The following CFAP58 variants were observed in gnomAD, a reference collection of about 807,000 sequenced individuals.
CFAP58 encodes the protein cilia- and flagella-associated protein 58.
A neutral mutation model predicts 119.5 loss-of-function variants in CFAP58; 88 were observed. The observed-to-expected ratio is 0.74, with a 90% CI of 0.62 to 0.88. The LOEUF (loss-of-function observed/expected upper bound fraction) is 0.88. Among genes scored for constraint, CFAP58 ranks in the 40% least tolerant of loss-of-function variants. CFAP58 has a pLI of 0.00. For missense variants in CFAP58, 990 were observed against 1,021.2 expected (o/e 0.97, Z 0.42); for synonymous variants, 365 against 366.3 (o/e 1.00, Z 0.04).
At chr10:104,354,309 C>T (rs904231121) in intron 1 of CFAP58, among the ~76,000 whole-genome samples, 1 of 152,122 alleles carries the variant, frequency 6.6e-6, no homozygotes, top group African/African-American at 2.4e-5. Context: ...CTGCTGTCAT[C>T]CCAATCAATG....
chr10:104,371,812 G>A (rs773109619), intron 7 of CFAP58, among the ~76,000 whole-genome samples: 3 of 152,188 alleles, frequency 2.0e-5, no homozygotes, highest in Non-Finnish European at 2.9e-5. Context: ...CAAATTTGGT[G>A]CAGCAGAAAC....
the CFAP58 span, among the ~76,000 whole-genome samples, chr10:104,341,645 T>C: frequency 4.6e-5 from 7 of 151,496 alleles, no homozygotes; most frequent in Non-Finnish European, 1.0e-4. Flanking sequence ...AGAAAAGTAA[T>C]ATATTATTGT....
At chr10:104,346,633 C>CTTTTTTTTTTTTTTTTTTTTTTTTTT in the CFAP58 span, among the ~76,000 whole-genome samples, 4 of 101,112 alleles carry the variant, frequency 4.0e-5, 1 homozygote, top group African/African-American at 1.3e-4. Context: ...GCCATTTAGT[C>CTTTTTTTTTTTTTTTTTTTTTTTTTT]TTTTTTTTTT....
chr10:104,454,593 G>A lies in CFAP58; in HGVS notation c.*63G>A, dbSNP rs933443154. On this transcript the variant is annotated 3_prime_UTR_variant, in exon 18 of 18. Transcript: ENST00000369704. The stretch of plus-strand genomic sequence containing the variant: ...GAAATCTGCTCTGGGACATTTTGGG[G>A]GAATCTCAAAGTCCTTGGATCATAG... 4.8e-6 allele frequency: 6 copies of A among 1,250,158 alleles called. No individual in the cohort carries two copies. The South Asian group carries it at 7.2e-5, about 15-fold the overall frequency. 77.4% of individuals were successfully genotyped at this position (1,250,158 alleles called of 1,614,324 possible). A position where few individuals can be genotyped will look rare whatever the true frequency, so the allele number is the denominator to read the frequency against.
chr10:104,376,522 GA>G (rs1230302021), intron 7 of CFAP58, among the ~76,000 whole-genome samples: 2,952 of 139,852 alleles, frequency 0.021, 105 homozygotes, highest in African/African-American at 0.073. Context: ...AAAAAAAAAA[GA>G]AAAAAAAGCA....
chr10:104,386,994 C>T (rs1347281154), intron 9 of CFAP58, among the ~76,000 whole-genome samples: 4 of 152,184 alleles, frequency 2.6e-5, no homozygotes, highest in East Asian at 1.9e-4. Context: ...TTCTTTCTTG[C>T]TTAGAGAAAG....
Position 104,364,809 on chromosome 10 carries a change from C to T in CFAP58, c.517C>T (p.Arg173Ter), listed in dbSNP as rs200491142. Residue 173 changes from arginine to a stop codon, truncating the protein, a stop_gained, in exon 4 of 18, where the codon CGA becomes TGA. Transcript: ENST00000369704. LOFTEE classifies it high-confidence loss of function. Reference protein sequence around the residue: ...DQLLSEVVKLRESLAQTTEQQ... With the variant: ...DQLLSEVVKL Reference sequence around the variant, plus strand: ...GCTCTTATCAGAAGTGGTAAAATTACGAGAATCCCTAGCTCAGACCACTGA... The same window carrying T: ...GCTCTTATCAGAAGTGGTAAAATTATGAGAATCCCTAGCTCAGACCACTGA... 1.2e-5 allele frequency: 20 copies of T among 1,612,066 alleles called. No homozygotes were observed. The highest frequency in any genetic ancestry group is 5.5e-5 in the South Asian group (5 of 90,956).
At chr10:104,367,254 A>G (rs776006219) in intron 5 of CFAP58, among the ~76,000 whole-genome samples, 1 of 152,228 alleles carries the variant, frequency 6.6e-6, no homozygotes, top group Non-Finnish European at 1.5e-5. Context: ...TTCCTCTATT[A>G]TAGCAGTTTA....
intron 15 of CFAP58, among the ~76,000 whole-genome samples, chr10:104,424,202 A>G (rs1048000034): frequency 3.3e-5 from 5 of 152,188 alleles, no homozygotes; most frequent in African/African-American, 1.2e-4. Context: ...AGCTGCCTAT[A>G]TGCCTGGGAG....
upstream of CFAP58, among the ~76,000 whole-genome samples, chr10:104,350,295 C>T (rs186261480): frequency 1.7e-4 from 26 of 152,220 alleles, no homozygotes; most frequent in South Asian, 1.0e-3. Flanking sequence ...GGGGCTGACG[C>T]GATCTTGTTG....
At chr10:104,403,511 CTTTTTTTT>C (rs572839157) in intron 13 of CFAP58, among the ~76,000 whole-genome samples, 2 of 133,140 alleles carry the variant, frequency 1.5e-5, no homozygotes, top group Non-Finnish European at 3.2e-5. Flanking sequence ...AGCCCTGGCA[CTTTTTTTT>C]TTTTTTTTTT....
the CFAP58 span, among the ~76,000 whole-genome samples, chr10:104,347,699 T>A: frequency 1.3e-5 from 2 of 152,216 alleles, no homozygotes; most frequent in South Asian, 4.1e-4. Context: ...TTTTTATTTC[T>A]GATATATACA....
chr10:104,411,593 A>G (rs2012461790), intron 15 of CFAP58, among the ~76,000 whole-genome samples: 1 of 151,974 alleles, frequency 6.6e-6, no homozygotes, highest in Non-Finnish European at 1.5e-5. Context: ...GGGTATGTCC[A>G]TTCATTTGTT....
chr10:104,427,561 T>G (rs2012770842), intron 15 of CFAP58, among the ~76,000 whole-genome samples: 1 of 152,194 alleles, frequency 6.6e-6, no homozygotes, highest in Non-Finnish European at 1.5e-5. Context: ...CCACAGCACC[T>G]CATTTAGTGC....
chr10:104,344,639 G>C, the CFAP58 span, among the ~76,000 whole-genome samples: 38,512 of 151,194 alleles, frequency 0.25, 5,154 homozygotes, highest in Middle Eastern at 0.29. Context: ...TGCAAACCTT[G>C]GTGCTAGATT....
intron 15 of CFAP58, among the ~76,000 whole-genome samples, chr10:104,420,847 G>A (rs1401591273): frequency 6.6e-6 from 1 of 150,828 alleles, no homozygotes; most frequent in East Asian, 1.9e-4. Context: ...CAAGTTCCTG[G>A]GCTCAGGTGA....
chr10:104,443,087 G>C (rs74157111), intron 15 of CFAP58, among the ~76,000 whole-genome samples: 1 of 152,192 alleles, frequency 6.6e-6, no homozygotes, highest in South Asian at 2.1e-4. Context: ...GAGTTATATA[G>C]AGAGAGATTC....
chr10:104,425,433 T>C (rs2012727961), intron 15 of CFAP58, among the ~76,000 whole-genome samples: 1 of 152,104 alleles, frequency 6.6e-6, no homozygotes, highest in Non-Finnish European at 1.5e-5. Context: ...AGACCAAGCA[T>C]AGGCATTACA....
chr10:104,350,347 T>C (rs550974213), upstream of CFAP58, among the ~76,000 whole-genome samples: 24 of 152,356 alleles, frequency 1.6e-4, no homozygotes, highest in South Asian at 4.4e-3. Flanking sequence ...AGGACTTTGA[T>C]ACTATAATGC....
Sources: gnomAD v4.1 joint callset for allele counts (sites outside exome capture counted in the v4.1 genomes callset) on GRCh38, gnomAD v4.1.1 for gene constraint, MANE v1.5 for transcripts, NCBI Gene and HGNC (gene_info 2026-07-23, HGNC 2026-07-21) for gene names.